ZNF365: variants seen among roughly 807,000 people sequenced by gnomAD.
ZNF365 encodes zinc finger protein 365, also known as protein ZNF365.
A neutral mutation model predicts 35.0 loss-of-function variants in ZNF365; 22 were observed. The ratio of observed to expected loss-of-function variants is 0.63; its 90% CI spans 0.45 to 0.90. The LOEUF is 0.90. Among genes scored for constraint, ZNF365 ranks in the 40% least tolerant of loss-of-function variants. ZNF365 has a pLI of 0.00. For missense variants in ZNF365, 448 were observed against 500.3 expected (o/e 0.90, Z 1.00); for synonymous variants, 188 against 196.2 (o/e 0.96, Z 0.35).
rs182032495 is a variant in ZNF365, at chr10:62,477,919, G to T, written c.982-1957G>T. On this transcript the variant is annotated intron_variant, in intron 4 of 4. Transcript: ENST00000395255. ...TCTTACAACAGGTGGCACCACAGAG[G>T]TAGAAACAAAAATATTTGGTGAAAG... is the stretch of plus-strand genomic sequence containing the variant. Among the ~76,000 whole-genome samples the T allele has an allele frequency of 1.6e-3, 241 of 152,282 alleles. 1 individual carries two copies. Among genetic ancestry groups the T allele is most frequent in the African/African-American group, 5.7e-3 (235 of 41,564 alleles).
At chr10:62,413,489 A>G (rs1321043321) in intron 3 of ZNF365, among the ~76,000 whole-genome samples, 1 of 152,176 alleles carries the variant, frequency 6.6e-6, no homozygotes, top group Admixed American at 6.5e-5. Flanking sequence ...AAACGCTTCA[A>G]AAATACAATC....
downstream of ZNF365, among the ~76,000 whole-genome samples, chr10:62,406,896 A>T (rs1301559701): frequency 6.6e-6 from 1 of 152,220 alleles, no homozygotes; most frequent in Non-Finnish European, 1.5e-5. Flanking sequence ...TCCAGCACCT[A>T]GCACTGGGCC....
At chr10:62,423,536 A>G (rs1840206301) in intron 3 of ZNF365, among the ~76,000 whole-genome samples, 1 of 152,172 alleles carries the variant, frequency 6.6e-6, no homozygotes. Flanking sequence ...CAGGAAGAAA[A>G]GTGTTAAATT....
At chr10:62,469,163 C>A (rs904945993) in intron 4 of ZNF365, among the ~76,000 whole-genome samples, 2 of 152,218 alleles carry the variant, frequency 1.3e-5, no homozygotes, top group African/African-American at 4.8e-5. Flanking sequence ...ATGATAACAT[C>A]TGCCTATTAT....
At chr10:62,447,528 G>GAA (rs1840610424) in intron 3 of ZNF365, among the ~76,000 whole-genome samples, 1 of 152,194 alleles carries the variant, frequency 6.6e-6, no homozygotes, top group Admixed American at 6.5e-5. Context: ...CACTGGCTGA[G>GAA]AAAAGTCGGA....
chr10:62,460,041 T>A (rs1840822367), intron 4 of ZNF365, among the ~76,000 whole-genome samples: 2 of 152,270 alleles, frequency 1.3e-5, no homozygotes, highest in South Asian at 4.1e-4. Flanking sequence ...TCCTTTTAAC[T>A]GAATAGTACC....
At chr10:62,376,011 G>T (rs1839318820) in intron 1 of ZNF365, among the ~76,000 whole-genome samples, 170 bp from the exon 2 acceptor site, 1 of 152,192 alleles carries the variant, frequency 6.6e-6, no homozygotes, top group African/African-American at 2.4e-5. Flanking sequence ...TGCAGAAATT[G>T]ATGTGGATGG....
At chr10:62,388,655 C>T in intron 3 of ZNF365, 79 bp downstream of exon 3, 1 of 1,525,730 alleles carries the variant, frequency 6.6e-7, no homozygotes, top group Non-Finnish European at 8.9e-7. Flanking sequence ...GAAAAGGGAG[C>T]TGGGTGACTT....
chr10:62,385,719 A>G (rs1839514135), intron 2 of ZNF365, among the ~76,000 whole-genome samples: 1 of 152,226 alleles, frequency 6.6e-6, no homozygotes, highest in African/African-American at 2.4e-5. Context: ...TACTTATTCA[A>G]TATTGTGTGT....
At chr10:62,377,564 G>A (rs1315864883) in intron 2 of ZNF365, among the ~76,000 whole-genome samples, 1 of 127,308 alleles carries the variant, frequency 7.9e-6, no homozygotes, top group African/African-American at 3.4e-5. Flanking sequence ...TTTGGCAAAT[G>A]ATGTATTTTT....
chr10:62,387,748 G>A (rs1839547994), intron 2 of ZNF365, among the ~76,000 whole-genome samples: 2 of 152,134 alleles, frequency 1.3e-5, no homozygotes, highest in South Asian at 4.2e-4. Context: ...TGGACAAGAT[G>A]ACTCATTTGA....
intron 3 of ZNF365, among the ~76,000 whole-genome samples, chr10:62,396,814 G>A (rs1397852059): frequency 6.6e-6 from 1 of 152,084 alleles, no homozygotes; most frequent in Non-Finnish European, 1.5e-5. Flanking sequence ...GTATACAAAT[G>A]TATGCAACAA....
At chr10:62,421,947 G>C (rs183222308) in intron 3 of ZNF365, among the ~76,000 whole-genome samples, 1 of 152,170 alleles carries the variant, frequency 6.6e-6, no homozygotes, top group Non-Finnish European at 1.5e-5. Context: ...ATTCTGAATA[G>C]CAAAAAAATA....
intron 3 of ZNF365, among the ~76,000 whole-genome samples, chr10:62,454,086 A>G (rs150943139): frequency 2.6e-5 from 4 of 152,228 alleles, no homozygotes; most frequent in Middle Eastern, 6.8e-3. Context: ...CTTGCTGTTC[A>G]TGTACAACTC....
chr10:62,434,958 AC>A (rs1453793660), intron 3 of ZNF365, among the ~76,000 whole-genome samples: 5 of 152,134 alleles, frequency 3.3e-5, no homozygotes, highest in African/African-American at 1.2e-4. Flanking sequence ...ACTGTTTCAG[AC>A]CCTCTGGATA....
Position 62,401,884 on chromosome 10 carries a change from A to G in ZNF365, c.*2095A>G. 1.0e-6 allele frequency: 1 copy of G among 985,450 alleles called. No individual in the cohort carries two copies. The highest frequency in any genetic ancestry group is 1.2e-6 in the Non-Finnish European group (1 of 829,868). The allele number at this position is 985,450 out of a possible 1,614,324, so 61.0% of individuals were successfully genotyped here. A position where few individuals can be genotyped will look rare whatever the true frequency, so the allele number is the denominator to read the frequency against. On this transcript the variant is annotated 3_prime_UTR_variant, in exon 5 of 5. Coordinates refer to ENST00000395254, the MANE Select transcript of ZNF365 (RefSeq NM_014951.3). ...GTCATCCTACTCTACATTTCACAAGACGAATTATTTTGAGATTTGTTTATT... is the reference window on the plus strand; with the variant it reads ...GTCATCCTACTCTACATTTCACAAGGCGAATTATTTTGAGATTTGTTTATT...
intron 3 of ZNF365, among the ~76,000 whole-genome samples, chr10:62,414,878 AT>A (rs2132442456): frequency 1.3e-5 from 2 of 151,376 alleles, no homozygotes; most frequent in African/African-American, 4.9e-5. Context: ...CTTTTTCTAT[AT>A]TTTCCATTCC....
At chr10:62,462,509 C>A (rs994710036) in intron 4 of ZNF365, among the ~76,000 whole-genome samples, 16 of 152,240 alleles carry the variant, frequency 1.1e-4, no homozygotes, top group Non-Finnish European at 1.3e-4. Context: ...TGGCATCCCA[C>A]ATGTGGCCTG....
chr10:62,470,778 T>C (rs1220180230), intron 4 of ZNF365, among the ~76,000 whole-genome samples: 2 of 151,704 alleles, frequency 1.3e-5, no homozygotes, highest in East Asian at 3.8e-4. Flanking sequence ...TAAAATTAGC[T>C]TGTGTGTGTG....
Sources: allele counts gnomAD v4.1 joint callset (sites outside exome capture counted in the v4.1 genomes callset), GRCh38; gene constraint gnomAD v4.1.1; transcripts MANE v1.5; gene names NCBI Gene and HGNC (gene_info 2026-07-23, HGNC 2026-07-21).